TSHZ2: variants seen among roughly 807,000 people sequenced by gnomAD.
TSHZ2 encodes the protein teashirt homolog 2.
Under a neutral mutation model 74.4 loss-of-function variants are expected in TSHZ2, and 21 were observed. That is an observed-to-expected ratio of 0.28 (90% confidence interval 0.20 to 0.41). TSHZ2 has a LOEUF of 0.41. Among genes scored for constraint, TSHZ2 ranks in the 10% least tolerant of loss-of-function variants. The pLI is 1.00. For missense variants in TSHZ2, 1,244 were observed against 1,293.5 expected (o/e 0.96, Z 0.59); for synonymous variants, 540 against 515.3 (o/e 1.05, Z -0.65).
At chr20:53,204,356 G>GAT (rs1908166612) in intron 1 of TSHZ2, among the ~76,000 whole-genome samples, 3 of 133,034 alleles carry the variant, frequency 2.3e-5, no homozygotes, top group African/African-American at 9.5e-5. Context: ...ATGATGATAT[G>GAT]ATACTATATC....
intron 2 of TSHZ2, among the ~76,000 whole-genome samples, chr20:53,432,542 C>A (rs1451451272): frequency 6.6e-6 from 1 of 152,148 alleles, no homozygotes; most frequent in African/African-American, 2.4e-5. Flanking sequence ...CTTTGAGAAA[C>A]CTCCATACTA....
At chr20:53,299,170 G>A (rs143436661) in intron 2 of TSHZ2, among the ~76,000 whole-genome samples, 57 of 152,280 alleles carry the variant, frequency 3.7e-4, no homozygotes, top group African/African-American at 1.3e-3. Context: ...AGAGGAAGCC[G>A]CACCCTGTCT....
intron 1 of TSHZ2, among the ~76,000 whole-genome samples, chr20:53,011,370 C>T (rs1237685490): frequency 6.6e-6 from 1 of 152,172 alleles, no homozygotes; most frequent in Non-Finnish European, 1.5e-5. Flanking sequence ...TTATTAATAC[C>T]TTTATTTCCA....
At chr20:53,304,163 A>G (rs971489298) in intron 2 of TSHZ2, among the ~76,000 whole-genome samples, 2 of 148,328 alleles carry the variant, frequency 1.3e-5, no homozygotes, top group Non-Finnish European at 3.0e-5. Context: ...AGCATTAGGT[A>G]TATCTCCTAA....
At chr20:53,415,888 A>T (rs564941186) in intron 2 of TSHZ2, among the ~76,000 whole-genome samples, 4 of 152,058 alleles carry the variant, frequency 2.6e-5, no homozygotes, top group Non-Finnish European at 4.4e-5. Context: ...GTAATATTTA[A>T]TGTACTGTTA....
At chr20:53,472,404 A>T (rs1388426525) in intron 2 of TSHZ2, among the ~76,000 whole-genome samples, 1 of 152,156 alleles carries the variant, frequency 6.6e-6, no homozygotes, top group African/African-American at 2.4e-5. Flanking sequence ...TCTGGCTGAA[A>T]GTTGAGTCAT....
intron 1 of TSHZ2, among the ~76,000 whole-genome samples, chr20:53,204,451 T>C (rs1041252139): frequency 6.6e-6 from 1 of 151,406 alleles, no homozygotes; most frequent in Non-Finnish European, 1.5e-5. Flanking sequence ...TATAATATTT[T>C]GGACATACTA....
At chr20:53,257,749 C>G (rs1990513415) in intron 2 of TSHZ2, among the ~76,000 whole-genome samples, 1 of 152,230 alleles carries the variant, frequency 6.6e-6, no homozygotes, top group Admixed American at 6.5e-5. Context: ...ACCTTCTGTG[C>G]TGACCAATCC....
chr20:53,420,621 G>C (rs1018465994), intron 2 of TSHZ2, among the ~76,000 whole-genome samples: 1 of 152,092 alleles, frequency 6.6e-6, no homozygotes, highest in East Asian at 1.9e-4. Context: ...AGCTACTTGG[G>C]ACTACTGGGA....
chr20:53,480,655 G>A (rs936718993), intron 2 of TSHZ2, among the ~76,000 whole-genome samples: 8 of 152,148 alleles, frequency 5.3e-5, no homozygotes, highest in Admixed American at 5.2e-4. Context: ...ACATTGCAAG[G>A]AGCCTCACGT....
chr20:53,237,871 C>T (rs372431221), intron 1 of TSHZ2, among the ~76,000 whole-genome samples: 10 of 152,228 alleles, frequency 6.6e-5, no homozygotes, highest in East Asian at 1.9e-4. Context: ...CAATAGACTA[C>T]GAGCACTGCA....
chr20:53,403,121 G>T (rs748435428), intron 2 of TSHZ2, among the ~76,000 whole-genome samples: 6 of 152,142 alleles, frequency 3.9e-5, no homozygotes, highest in Non-Finnish European at 8.8e-5. Flanking sequence ...TACATGCTCA[G>T]TGTTTAGCTC....
chr20:53,495,209 AT>A lies in TSHZ2; in HGVS notation c.*8077del, dbSNP rs1986551948. The A allele has an allele frequency of 6.6e-6, 1 of 152,344 alleles. No homozygotes were observed. The highest frequency in any genetic ancestry group is 6.5e-5 in the Admixed American group (1 of 15,308). The allele number at this position is 152,344 out of a possible 1,614,324, so 9.4% of individuals were successfully genotyped here. On this transcript the variant is annotated 3_prime_UTR_variant, in exon 3 of 3. Transcript: ENST00000371497. ...AGAATTATTTATATGATAAAAATAT[AT>A]TTAGCTTTTCAAAGCACAAGACTGA...
At chr20:53,371,618 A>G (rs543935409) in intron 2 of TSHZ2, among the ~76,000 whole-genome samples, 2 of 152,284 alleles carry the variant, frequency 1.3e-5, no homozygotes, top group South Asian at 4.1e-4. Flanking sequence ...GCTCACGCCT[A>G]TAATCCCAGC....
chr20:53,082,788 A>G lies in TSHZ2; in HGVS notation c.40+109455A>G, dbSNP rs558184615. On this transcript the variant is annotated intron_variant, in intron 1 of 2. Coordinates refer to ENST00000371497, the MANE Select transcript of TSHZ2 (RefSeq NM_173485.6). Reference sequence around the variant, plus strand: ...AAAAACCTGTGCTTTCATCTATGAAATCACAAAGTCCGTTATGGGAAGGTG... The same window carrying G: ...AAAAACCTGTGCTTTCATCTATGAAGTCACAAAGTCCGTTATGGGAAGGTG... Among the ~76,000 whole-genome samples the G allele has an allele frequency of 3.3e-5, 5 of 152,364 alleles. No individual in the cohort carries two copies. The East Asian group carries it at 9.6e-4, about 29-fold the overall frequency.
At chr20:53,252,330 G>A (rs935526349) in intron 1 of TSHZ2, among the ~76,000 whole-genome samples, 7 of 152,152 alleles carry the variant, frequency 4.6e-5, no homozygotes, top group African/African-American at 1.4e-4. Context: ...TCCCCACGTC[G>A]CTACCTGCCA....
At chr20:53,308,687 A>G (rs987129942) in intron 2 of TSHZ2, among the ~76,000 whole-genome samples, 4 of 152,216 alleles carry the variant, frequency 2.6e-5, no homozygotes, top group Non-Finnish European at 4.4e-5. Flanking sequence ...GATCATTTAT[A>G]CATTTTTGTG....
rs532948964 is a variant in TSHZ2 at position 53,092,167 on chromosome 20, G to A, written c.40+118834G>A. ...CACAATATCGTTTCCTTGTGTGACC[G>A]CTCCCATCAATTAGAATTGACATCA... is the stretch of plus-strand genomic sequence containing the variant. On this transcript the variant is annotated intron_variant, in intron 1 of 2. Transcript: ENST00000371497. Among the ~76,000 whole-genome samples, 54 of 151,870 alleles carry A rather than the reference G, an allele frequency of 3.6e-4. No individual in the cohort carries two copies. The South Asian group carries it at 0.011, about 30-fold the overall frequency.
At chr20:53,149,347 G>A (rs952763657) in intron 1 of TSHZ2, among the ~76,000 whole-genome samples, 18 of 152,122 alleles carry the variant, frequency 1.2e-4, no homozygotes, top group African/African-American at 4.3e-4. Context: ...AGGGCTCAGT[G>A]TCTGCCAGAT....
Sources: gnomAD v4.1 joint callset for allele counts (sites outside exome capture counted in the v4.1 genomes callset) on GRCh38, gnomAD v4.1.1 for gene constraint, MANE v1.5 for transcripts, NCBI Gene and HGNC (gene_info 2026-07-23, HGNC 2026-07-21) for gene names.